Variants in RIMS1 observed in about 807,000 individuals in gnomAD.
The protein encoded by RIMS1 is regulating synaptic membrane exocytosis 1.
A neutral mutation model predicts 214.1 loss-of-function variants in RIMS1; 83 were observed. The ratio of observed to expected loss-of-function variants is 0.39; its 90% CI spans 0.32 to 0.47. RIMS1 has a LOEUF of 0.47. RIMS1 is among the 20% of genes least tolerant of loss of function. The pLI is 0.99. For missense variants in RIMS1, 2,050 were observed against 2,161.8 expected, an observed-to-expected ratio of 0.95 and a Z score of 1.03; for synonymous variants, 793 against 786.8, an observed-to-expected ratio of 1.01 and a Z score of -0.13.
At chr6:71,889,547 C>G (rs757875098) in intron 1 of RIMS1, among the ~76,000 whole-genome samples, 1 of 152,176 alleles carries the variant, frequency 6.6e-6, no homozygotes, top group African/African-American at 2.4e-5. Flanking sequence ...CTGCTAATGT[C>G]TTGGCCTTTT....
Position 72,401,027 on chromosome 6 carries a change from A to G in RIMS1, c.*313A>G, listed in dbSNP as rs992959839. 1 of 249,912 alleles carries G rather than the reference A, an allele frequency of 4.0e-6. No individual in the cohort carries two copies. The highest frequency in any genetic ancestry group is 2.2e-5 in the African/African-American group (1 of 45,788). The allele number at this position is 249,912 out of a possible 1,614,324, so 15.5% of individuals were successfully genotyped here. ...CACACATGCACACACACACACACCAAATTGAACAAACTGGAAACTCTCACT... is the reference window on the plus strand; with the variant it reads ...CACACATGCACACACACACACACCAGATTGAACAAACTGGAAACTCTCACT... On this transcript the variant is annotated 3_prime_UTR_variant, in exon 34 of 34. Coordinates refer to ENST00000521978, the MANE Select transcript of RIMS1 (RefSeq NM_014989.7).
intron 2 of RIMS1, among the ~76,000 whole-genome samples, chr6:72,010,763 A>G (rs1810192029): frequency 6.6e-6 from 1 of 152,134 alleles, no homozygotes; most frequent in Non-Finnish European, 1.5e-5. Flanking sequence ...TAGGAATCCA[A>G]CTTACAAGGG....
At chr6:71,992,546 T>C (rs1263887274) in intron 2 of RIMS1, among the ~76,000 whole-genome samples, 2 of 148,836 alleles carry the variant, frequency 1.3e-5, no homozygotes, top group African/African-American at 2.5e-5. Flanking sequence ...CCTCTTCTTC[T>C]TCTCCTTCTT....
chr6:72,045,246 T>C (rs1822645174), intron 2 of RIMS1, among the ~76,000 whole-genome samples: 1 of 151,966 alleles, frequency 6.6e-6, no homozygotes, highest in South Asian at 2.1e-4. Context: ...GTTTTATATC[T>C]TTATTGTCAA....
chr6:72,314,820 A>G (rs891870572), intron 28 of RIMS1, among the ~76,000 whole-genome samples: 3 of 152,184 alleles, frequency 2.0e-5, no homozygotes, highest in African/African-American at 7.2e-5. Flanking sequence ...AATAAATAGG[A>G]TGTAACCAAG....
At chr6:72,337,500 G>T (rs886467879) in intron 29 of RIMS1, among the ~76,000 whole-genome samples, 2 of 151,762 alleles carry the variant, frequency 1.3e-5, no homozygotes, top group East Asian at 3.9e-4. Context: ...AGTTATGTTT[G>T]TGTGAGTGTA....
intron 29 of RIMS1, among the ~76,000 whole-genome samples, chr6:72,350,183 TG>T (rs1224908521): frequency 6.6e-6 from 1 of 152,110 alleles, no homozygotes; most frequent in Non-Finnish European, 1.5e-5. Flanking sequence ...ATCTAATTTT[TG>T]TACACAGAAA....
chr6:72,320,251 A>G (rs1391154601), intron 28 of RIMS1, among the ~76,000 whole-genome samples: 2 of 152,146 alleles, frequency 1.3e-5, no homozygotes, highest in African/African-American at 4.8e-5. Flanking sequence ...CCTGATAGAC[A>G]GGAGAAAGTT....
chr6:72,127,194 T>C (rs1397760067), intron 4 of RIMS1, among the ~76,000 whole-genome samples: 1 of 152,232 alleles, frequency 6.6e-6, no homozygotes, highest in Admixed American at 6.5e-5. Flanking sequence ...TATTTGTCTC[T>C]TTTCAGCAAA....
intron 15 of RIMS1, among the ~76,000 whole-genome samples, chr6:72,252,115 T>TC: frequency 6.6e-6 from 1 of 152,324 alleles, no homozygotes; most frequent in East Asian, 1.9e-4. Flanking sequence ...GCTATTTTTT[T>TC]CTGTACTTAT....
chr6:72,309,659 A>G (rs566385716), intron 27 of RIMS1, among the ~76,000 whole-genome samples: 10 of 152,180 alleles, frequency 6.6e-5, no homozygotes, highest in African/African-American at 1.4e-4. Flanking sequence ...TTTAAAACCT[A>G]TTACTTTCAG....
chr6:72,193,839 AATATCT>A (rs2050444036), intron 6 of RIMS1, among the ~76,000 whole-genome samples: 1 of 152,176 alleles, frequency 6.6e-6, no homozygotes, highest in Non-Finnish European at 1.5e-5. Context: ...GATAATTATC[AATATCT>A]ATAATATACA....
chr6:72,359,621 T>C (rs2097758875), intron 29 of RIMS1, among the ~76,000 whole-genome samples: 1 of 152,116 alleles, frequency 6.6e-6, no homozygotes. Flanking sequence ...ATAGCACCCA[T>C]AGAGTCATCA....
chr6:72,282,138 G>A (rs2090422317), intron 23 of RIMS1, among the ~76,000 whole-genome samples: 1 of 152,092 alleles, frequency 6.6e-6, no homozygotes, highest in Non-Finnish European at 1.5e-5. Flanking sequence ...GATGAGAAAA[G>A]GAGCATTTGA....
intron 4 of RIMS1, among the ~76,000 whole-genome samples, chr6:72,137,987 T>C (rs2041572986): frequency 2.6e-5 from 4 of 152,018 alleles, no homozygotes; most frequent in South Asian, 4.1e-4. Flanking sequence ...CCACCCGCCT[T>C]GGCCTCCCCA....
intron 4 of RIMS1, among the ~76,000 whole-genome samples, chr6:72,147,668 G>A (rs1588051609): frequency 6.6e-6 from 1 of 152,280 alleles, no homozygotes; most frequent in South Asian, 2.1e-4. Context: ...GATCCACAAA[G>A]AGAAAAGACA....
rs184961367 is a variant in RIMS1, at chr6:72,162,299, T to C, written c.472-17276T>C. On this transcript the variant is annotated intron_variant, in intron 4 of 33. Transcript: ENST00000521978. ...TGTGTGTCTCTGCATGTGAGATGGG[T>C]TTCCTGAATAGAGCACACTGATGGG... Among the ~76,000 whole-genome samples, 468 of 140,438 alleles carry C rather than the reference T, an allele frequency of 3.3e-3. 27 individuals carry two copies. Among genetic ancestry groups the C allele is most frequent in the African/African-American group, 0.011 (447 of 40,594 alleles). The allele number at this position is 140,438 out of a possible 152,430, so 92.1% of individuals were successfully genotyped here.
At chr6:71,889,758 C>G (rs559760909) in intron 1 of RIMS1, among the ~76,000 whole-genome samples, 1 of 152,132 alleles carries the variant, frequency 6.6e-6, no homozygotes, top group Admixed American at 6.5e-5. Context: ...AGATGGTGGC[C>G]TTTTTAAAAC....
rs774184060 is a variant in RIMS1 at position 72,290,729 on chromosome 6, C to T, written c.3605C>T (p.Thr1202Ile). Residue 1202 changes from threonine to isoleucine, a missense_variant, in exon 25 of 34, where the codon ACT becomes ATT. Transcript: ENST00000521978. ...AGGGGACACGCAGCCCCAAGAGCAA[C>T]TGATCAGCCAGTCATTAGGGGAAAA... is the stretch of plus-strand genomic sequence containing the variant. ...SRRGHAAPRA[T>I]DQPVIRGKHP... The T allele has an allele frequency of 6.2e-7, 1 of 1,613,820 alleles. No individual in the cohort carries two copies. The highest frequency in any genetic ancestry group is 1.1e-5 in the South Asian group (1 of 91,072).
Sources: allele counts gnomAD v4.1 joint callset (sites outside exome capture counted in the v4.1 genomes callset), GRCh38; gene constraint gnomAD v4.1.1; transcripts MANE v1.5; gene names NCBI Gene and HGNC (gene_info 2026-07-23, HGNC 2026-07-21).